P2RX2: variants seen among roughly 807,000 people sequenced by gnomAD.
P2RX2 encodes the protein purinergic receptor P2X 2, also known as P2X purinoceptor 2.
A neutral mutation model predicts 54.8 loss-of-function variants in P2RX2; 50 were observed. The observed-to-expected ratio is 0.91, with a 90% CI of 0.73 to 1.15. The LOEUF (loss-of-function observed/expected upper bound fraction) is 1.15, where lower values mean the gene tolerates loss of function less well. P2RX2 is among the 50% of genes most tolerant of loss of function. The pLI, the probability that P2RX2 is intolerant of heterozygous loss-of-function variation, is 0.00. For synonymous variants in P2RX2, 289 were observed against 259.4 expected (o/e 1.11, Z -1.09); for missense variants, 658 against 633.2 (o/e 1.04, Z -0.42).
At chr12:132,620,881 GC>G in intron 7 of P2RX2, 119 bp from the exon 8 acceptor site, 8 of 752,764 alleles carry the variant, frequency 1.1e-5, no homozygotes, top group East Asian at 5.9e-5. Context: ...ACTGACCCGG[GC>G]TCTCGAGGGG....
rs372363857 is a variant in P2RX2 at position 132,621,293 on chromosome 12, G to A, written c.944G>A (p.Arg315His). The A allele has an allele frequency of 8.9e-5, 144 of 1,613,850 alleles. No homozygotes were observed. The highest frequency in any genetic ancestry group is 1.1e-4 in the Non-Finnish European group (134 of 1,179,924). Residue 315 changes from arginine to histidine, a missense_variant, in exon 9 of 11, where the codon CGC (arginine) becomes CAC (histidine). Coordinates refer to ENST00000643471, the MANE Select transcript of P2RX2 (RefSeq NM_170682.4). ...KYYKINGTTT[R>H]TLIKAYGIRI... ...TACAAGATCAATGGCACCACCACCC[G>A]CACGCTCATCAAGGCCTACGGGATC...
chr12:132,621,120 C>A lies in P2RX2; in HGVS notation c.894C>A (p.Gly298=), dbSNP rs1359669303. 6 of 1,614,120 alleles carry A rather than the reference C, an allele frequency of 3.7e-6. No homozygotes were observed. The highest frequency in any genetic ancestry group is 5.1e-6 in the Non-Finnish European group (6 of 1,180,020). ...LDPKHVPASS[G]YNFRFAKYYK... is the part of the protein sequence containing the mutation. Reference sequence around the variant, plus strand: ...CCAAGCACGTGCCTGCCTCGTCAGGCTACAACTTCAGGTGCTGTACTTGGG... The same window carrying A: ...CCAAGCACGTGCCTGCCTCGTCAGGATACAACTTCAGGTGCTGTACTTGGG... Residue 298 remains glycine (G), a synonymous_variant, in exon 8 of 11, where the codon GGC becomes GGA. Transcript: ENST00000643471.
rs764001111 is a variant in P2RX2, at chr12:132,621,692, A to G, written c.1136A>G (p.Asp379Gly). Residue 379 changes from aspartate (D) to glycine (G), a missense_variant, in exon 11 of 11, where the codon GAC (aspartate) becomes GGC (glycine). Coordinates refer to ENST00000643471, the MANE Select transcript of P2RX2 (RefSeq NM_170682.4). ...KNKVYSHKKF[D>G]KVCTPSHPSG... is the part of the protein sequence containing the mutation. ...AAGGTCTACAGCCATAAGAAATTTGACAAGGTGTGTACGCCGAGCCACCCC... is the reference window on the plus strand; with the variant it reads ...AAGGTCTACAGCCATAAGAAATTTGGCAAGGTGTGTACGCCGAGCCACCCC... 26 of 1,613,618 alleles carry G rather than the reference A, an allele frequency of 1.6e-5. No homozygotes were observed. In the East Asian group the frequency reaches 4.7e-4, roughly 29 times the overall value.
intron 1 of P2RX2, 50 bp from the exon 2 acceptor site, chr12:132,619,389 C>T: frequency 1.2e-6 from 2 of 1,606,052 alleles, no homozygotes; most frequent in Non-Finnish European, 1.7e-6. Flanking sequence ...GCGGGCGGGA[C>T]TCAGCCTTCC....
At position 132,621,604 on chromosome 12, in the gene P2RX2, C is replaced by G; in HGVS notation, c.1063-15C>G. On this transcript the variant is annotated splice_polypyrimidine_tract_variant and intron_variant, in intron 10 of 10. Coordinates refer to ENST00000643471, the MANE Select transcript of P2RX2 (RefSeq NM_170682.4). Reference sequence around the variant, plus strand: ...GTCCACCAGGCCCTTACACACCGGTCTCTGCTGGCCCCAGGGCTCCTTCCT... The same window carrying G: ...GTCCACCAGGCCCTTACACACCGGTGTCTGCTGGCCCCAGGGCTCCTTCCT... 1 of 1,612,244 alleles carries G rather than the reference C, an allele frequency of 6.2e-7. No individual in the cohort carries two copies.
chr12:132,621,597 C>T (rs1355936284), intron 10 of P2RX2, 22 bp from the exon 11 acceptor site: 1 of 1,611,770 alleles, frequency 6.2e-7, no homozygotes, highest in Non-Finnish European at 8.5e-7. Flanking sequence ...GGCCCTTACA[C>T]ACCGGTCTCT....
Position 132,621,339 on chromosome 12 carries a change from T to C in P2RX2, c.990T>C (p.His330=), listed in dbSNP as rs1314005811. Reference sequence around the variant, plus strand: ...GGATCCGCATTGACGTCATTGTGCATGGACAGGTGCCTGCACCTGCTGGGG... The same window carrying C: ...GGATCCGCATTGACGTCATTGTGCACGGACAGGTGCCTGCACCTGCTGGGG... The part of the protein sequence containing the change: ...AYGIRIDVIV[H]GQAGKFSLIP... Residue 330 remains histidine, a synonymous_variant, in exon 9 of 11, where the codon CAT becomes CAC. Coordinates refer to ENST00000643471, the MANE Select transcript of P2RX2 (RefSeq NM_170682.4). 1.2e-5 allele frequency: 19 copies of C among 1,613,832 alleles called. 1 individual carries two copies. The highest frequency in any genetic ancestry group is 1.6e-4 in the Middle Eastern group (1 of 6,082).
rs1158265247 is a variant in P2RX2 at position 132,619,989 on chromosome 12, C to G, written c.458-11C>G. The G allele has an allele frequency of 1.3e-6, 2 of 1,580,670 alleles. No homozygotes were observed. Among genetic ancestry groups the G allele is most frequent in the Admixed American group, 3.6e-5 (2 of 55,300 alleles). ...GTCCCCGCTAATGCCTCAGTGACCT[C>G]TGCCTCCCAGGCCTGAGGACTGGGC... On this transcript the variant is annotated splice_polypyrimidine_tract_variant and intron_variant, in intron 4 of 10. Coordinates refer to ENST00000643471, the MANE Select transcript of P2RX2 (RefSeq NM_170682.4).
chr12:132,621,039 C>T lies in P2RX2; in HGVS notation c.813C>T (p.Asp271=). 4.3e-6 allele frequency: 7 copies of T among 1,614,164 alleles called. No individual in the cohort carries two copies. The highest frequency in any genetic ancestry group is 5.9e-6 in the Non-Finnish European group (7 of 1,180,008). The change falls in exon 8 of 11, where the codon GAC becomes GAT. Residue 271 remains aspartate (D), a synonymous_variant. Transcript: ENST00000643471. ...VIGVIINWDC[D]LDLPASECNP... The stretch of plus-strand genomic sequence containing the variant: ...GGGTCATTATCAACTGGGACTGTGA[C>T]CTGGACCTGCCTGCATCGGAGTGCA...
intron 7 of P2RX2, 118 bp from the exon 8 acceptor site, chr12:132,620,882 CT>C: frequency 6.0e-5 from 54 of 903,738 alleles, no homozygotes; most frequent in South Asian, 2.5e-4. Flanking sequence ...CTGACCCGGG[CT>C]CTCGAGGGGC....
In P2RX2 at chr12:132,622,128, TG is replaced by T; in HGVS notation, c.*158del. Reference sequence around the variant, plus strand: ...CTGTGCAAGGGCTGGGGGCACGCTCTGGCCCCAGGCTTGTGCCCCACCCTGG... The same window carrying T: ...CTGTGCAAGGGCTGGGGGCACGCTCTGCCCCAGGCTTGTGCCCCACCCTGG... On this transcript the variant is annotated 3_prime_UTR_variant, in exon 11 of 11. Transcript: ENST00000643471. 6.8e-7 allele frequency: 1 copy of T among 1,471,360 alleles called. No homozygotes were observed. 91.1% of individuals were successfully genotyped at this position (1,471,360 alleles called of 1,614,324 possible). A position where few individuals can be genotyped will look rare whatever the true frequency, so the allele number is the denominator to read the frequency against.
chr12:132,621,950 C>T lies in P2RX2; in HGVS notation c.1394C>T (p.Pro465Leu). Residue 465 changes from proline (P) to leucine (L), a missense_variant, in exon 11 of 11, where the codon CCC becomes CTC. Coordinates refer to ENST00000643471, the MANE Select transcript of P2RX2 (RefSeq NM_170682.4). ...GCCCAAGCCTCCACACCCACAGACC[C>T]CAAAGGTTTGGCTCAACTCTGAGCT... ...EPAQASTPTD[P>L]KGLAQL 1 of 1,613,836 alleles carries T rather than the reference C, an allele frequency of 6.2e-7. No individual in the cohort carries two copies.
intron 7 of P2RX2, among the ~76,000 whole-genome samples, chr12:132,620,800 C>T (rs2041633443): frequency 6.6e-6 from 1 of 152,220 alleles, no homozygotes; most frequent in South Asian, 2.1e-4. Flanking sequence ...GTGCCTCAGA[C>T]ACTGGACGCC....
In P2RX2 at chr12:132,620,608, G is replaced by A. The variant is rs376219033; in HGVS notation, c.774+25G>A. ...GGCAGGGCAAGCGCAGGCAGGGTGG[G>A]GCCAGGGTGGGCTCCCACCTGCACA... On this transcript the variant is annotated intron_variant, in intron 7 of 10. Transcript: ENST00000643471. The A allele has an allele frequency of 1.5e-5, 24 of 1,606,490 alleles. No individual in the cohort carries two copies. In the African/African-American group the frequency reaches 3.2e-4, roughly 21 times the overall value.
chr12:132,622,011 T>C lies in P2RX2; in HGVS notation c.*39T>C. 2 of 1,611,874 alleles carry C rather than the reference T, an allele frequency of 1.2e-6. No homozygotes were observed. Among genetic ancestry groups the C allele is most frequent in the Non-Finnish European group, 1.7e-6 (2 of 1,179,346 alleles). ...TCACTGGACTGCAGACCCGGCCTGG[T>C]GGGGCCAGAGAGTCCCCAGCTAGGG... On this transcript the variant is annotated 3_prime_UTR_variant, in exon 11 of 11. Coordinates refer to ENST00000643471, the MANE Select transcript of P2RX2 (RefSeq NM_170682.4).
In P2RX2 at chr12:132,620,983, C is replaced by T. The variant is rs1244977649; in HGVS notation, c.775-18C>T. The T allele has an allele frequency of 3.1e-6, 5 of 1,612,468 alleles. No individual in the cohort carries two copies. The highest frequency in any genetic ancestry group is 4.2e-6 in the Non-Finnish European group (5 of 1,179,814). On this transcript the variant is annotated intron_variant, in intron 7 of 10. Coordinates refer to ENST00000643471, the MANE Select transcript of P2RX2 (RefSeq NM_170682.4). ...TCGTGTGCCCTCCTGACCCCCTTCT[C>T]TGGCTCCTTCTTGGCAGGGTGGTGT...
chr12:132,619,041 C>T, intron 1 of P2RX2, 52 bp downstream of exon 1: 1 of 820,134 alleles, frequency 1.2e-6, no homozygotes, highest in Non-Finnish European at 1.5e-6. Context: ...AGGGGAGGGG[C>T]TGGGATTGGG....
chr12:132,620,888 AGG>A lies in P2RX2; in HGVS notation c.775-110_775-109del. ...AGCCTGGGACTGACCCGGGCTCTCG[AGG>A]GGCCTCTCGTGTGCCCTTGTGACCC... On this transcript the variant is annotated intron_variant, in intron 7 of 10. Coordinates refer to ENST00000643471, the MANE Select transcript of P2RX2 (RefSeq NM_170682.4). 10 of 543,104 alleles carry A rather than the reference AGG, an allele frequency of 1.8e-5. 1 individual carries two copies. The highest frequency in any genetic ancestry group is 1.3e-4 in the South Asian group (3 of 22,548). The allele number at this position is 543,104 out of a possible 1,614,324, so 33.6% of individuals were successfully genotyped here.
rs1566301987 is a variant in P2RX2 at position 132,621,925 on chromosome 12, G to A, written c.1369G>A (p.Ala457Thr). ...QMVDTPASEP[A>T]QASTPTDPKG... ...GGTGGACACTCCTGCCTCCGAGCCT[G>A]CCCAAGCCTCCACACCCACAGACCC... Residue 457 changes from alanine to threonine, a missense_variant, in exon 11 of 11, where the codon GCC (alanine) becomes ACC (threonine). Physicochemically the swap from Ala to Thr is moderately conservative, Grantham distance 58. Transcript: ENST00000643471. 6.2e-7 allele frequency: 1 copy of A among 1,613,806 alleles called. No homozygotes were observed. The highest frequency in any genetic ancestry group is 1.7e-5 in the Admixed American group (1 of 60,020).
Sources: allele counts gnomAD v4.1 joint callset (sites outside exome capture counted in the v4.1 genomes callset), GRCh38; gene constraint gnomAD v4.1.1; transcripts MANE v1.5; gene names NCBI Gene and HGNC (gene_info 2026-07-23, HGNC 2026-07-21).